RABL3: variants seen among roughly 807,000 people sequenced by gnomAD.
RABL3 encodes the protein RAB, member of RAS oncogene family like 3, also known as rab-like protein 3.
RABL3 carries 31 observed loss-of-function variants against 31.8 expected under a neutral mutation model. The ratio of observed to expected loss-of-function variants is 0.97; its 90% confidence interval spans 0.73 to 1.31. The LOEUF is 1.31. Among genes scored for constraint, RABL3 ranks in the 40% most tolerant of loss-of-function variants. RABL3 has a pLI of 0.00. For synonymous variants in RABL3, 97 were observed against 99.9 expected, an observed-to-expected ratio of 0.97 and a Z score of 0.18; for missense variants, 263 against 279.6, an observed-to-expected ratio of 0.94 and a Z score of 0.42.
chr3:120,711,761 T>G (rs556908204), intron 2 of RABL3, among the ~76,000 whole-genome samples: 9 of 152,314 alleles, frequency 5.9e-5, no homozygotes, highest in African/African-American at 2.2e-4. Flanking sequence ...TTAAGAAATA[T>G]ACATGCCAAT....
At chr3:120,691,391 T>G (rs1391294429) in intron 6 of RABL3, among the ~76,000 whole-genome samples, 2 of 152,156 alleles carry the variant, frequency 1.3e-5, no homozygotes, top group Non-Finnish European at 2.9e-5. Flanking sequence ...GAAAGCAACA[T>G]GCATTCAGTA....
intron 1 of RABL3, among the ~76,000 whole-genome samples, chr3:120,737,074 C>G (rs1708976307): frequency 6.6e-6 from 1 of 152,148 alleles, no homozygotes; most frequent in South Asian, 2.1e-4. Context: ...GTTGGCCTGC[C>G]TTGCTACGTT....
At chr3:120,726,961 A>T (rs1448356088) in intron 2 of RABL3, among the ~76,000 whole-genome samples, 1 of 152,078 alleles carries the variant, frequency 6.6e-6, no homozygotes, top group Non-Finnish European at 1.5e-5. Flanking sequence ...CAAAGAAAAA[A>T]TTGCAATGGA....
chr3:120,711,856 G>T (rs993645004), intron 2 of RABL3, among the ~76,000 whole-genome samples: 4 of 152,104 alleles, frequency 2.6e-5, no homozygotes, highest in Non-Finnish European at 5.9e-5. Context: ...TAATCCCCTC[G>T]TTAAGAACTG....
chr3:120,738,255 T>C (rs1708996941), intron 1 of RABL3, among the ~76,000 whole-genome samples: 1 of 152,234 alleles, frequency 6.6e-6, no homozygotes, highest in African/African-American at 2.4e-5. Flanking sequence ...CTCAGACTGC[T>C]GTGCTAGCAA....
At position 120,715,063 on chromosome 3, in the gene RABL3, T is replaced by A. The variant is rs188450377; in HGVS notation, c.139-5154A>T. The stretch of plus-strand genomic sequence containing the variant: ...CCATGTCCAGAACTGAACTTACTAT[T>A]GTTTCCTTCTTTTTCACCTATAATA... On this transcript the variant is annotated intron_variant, in intron 2 of 7. Transcript: ENST00000273375. Among the ~76,000 whole-genome samples the A allele has an allele frequency of 5.3e-4, 80 of 152,320 alleles. 1 individual carries two copies. The highest frequency in any genetic ancestry group is 3.7e-3 in the South Asian group (18 of 4,832).
intron 2 of RABL3, among the ~76,000 whole-genome samples, 193 bp from the exon 3 acceptor site, chr3:120,710,102 C>G (rs1254402216): frequency 6.6e-6 from 1 of 152,044 alleles, no homozygotes; most frequent in Non-Finnish European, 1.5e-5. Flanking sequence ...ATCTTAACAT[C>G]TTTCACAGCT....
intron 2 of RABL3, among the ~76,000 whole-genome samples, chr3:120,724,579 C>G (rs1708793440): frequency 6.6e-6 from 1 of 152,204 alleles, no homozygotes; most frequent in Non-Finnish European, 1.5e-5. Context: ...ACCAAAACAG[C>G]ATGGTACTGG....
chr3:120,685,212 A>G lies in RABL3; in HGVS notation c.*4611T>C, dbSNP rs1258610468. 6.6e-6 allele frequency among the ~76,000 whole-genome samples: 1 copy of G among 152,240 alleles called. No individual in the cohort carries two copies. Among genetic ancestry groups the G allele is most frequent in the Non-Finnish European group, 1.5e-5 (1 of 68,042 alleles). ...CAGGAATTGCTACAAGGTAATGTGA[A>G]GCAGGGTGTGACAGGTCTACAGAGT... On this transcript the variant is annotated 3_prime_UTR_variant, in exon 8 of 8. Coordinates refer to ENST00000273375, the MANE Select transcript of RABL3 (RefSeq NM_173825.5).
At chr3:120,703,761 T>C (rs994466991) in intron 4 of RABL3, among the ~76,000 whole-genome samples, 5 of 151,806 alleles carry the variant, frequency 3.3e-5, no homozygotes, top group Admixed American at 6.6e-5. Context: ...AAAAGGACAA[T>C]AAACAAATAC....
intron 2 of RABL3, 63 bp downstream of exon 2, chr3:120,730,633 A>G (rs1708870980): frequency 9.3e-7 from 1 of 1,073,944 alleles, no homozygotes; most frequent in Non-Finnish European, 1.4e-6. Flanking sequence ...TAATTTGATC[A>G]TGTAATTTGA....
intron 1 of RABL3, among the ~76,000 whole-genome samples, chr3:120,737,548 T>G (rs1312246491): frequency 6.6e-6 from 1 of 152,260 alleles, no homozygotes; most frequent in Non-Finnish European, 1.5e-5. Context: ...CCATCCAGCT[T>G]TGTTCCTTTG....
At chr3:120,709,980 TA>T in intron 2 of RABL3, 71 bp from the exon 3 acceptor site, 1 of 1,160,962 alleles carries the variant, frequency 8.6e-7, no homozygotes, top group Non-Finnish European at 1.2e-6. Context: ...TATTCCGGTT[TA>T]AAGCATTTCA....
intron 2 of RABL3, among the ~76,000 whole-genome samples, chr3:120,710,889 C>T (rs571197599): frequency 2.1e-4 from 32 of 152,228 alleles, no homozygotes; most frequent in Admixed American, 3.9e-4. Context: ...AGCGGTAATC[C>T]TTTTCTTCAC....
chr3:120,696,851 A>G (rs1708443156), intron 5 of RABL3, among the ~76,000 whole-genome samples: 1 of 152,156 alleles, frequency 6.6e-6, no homozygotes, highest in Admixed American at 6.5e-5. Flanking sequence ...TGGGGTATGC[A>G]CATCAAATAT....
intron 6 of RABL3, 49 bp from the exon 7 acceptor site, chr3:120,690,536 G>A (rs1336300365): frequency 1.5e-6 from 2 of 1,371,514 alleles, no homozygotes; most frequent in African/African-American, 2.9e-5. Context: ...CCTGCAAAAA[G>A]TGGCTAACTG....
intron 3 of RABL3, among the ~76,000 whole-genome samples, chr3:120,707,563 C>G (rs1708563244): frequency 6.6e-6 from 1 of 152,032 alleles, no homozygotes; most frequent in Non-Finnish European, 1.5e-5. Flanking sequence ...CATGGTAAGT[C>G]AGAATTTGCA....
intron 5 of RABL3, among the ~76,000 whole-genome samples, chr3:120,697,815 G>A (rs1708453462): frequency 6.6e-6 from 1 of 152,266 alleles, no homozygotes; most frequent in South Asian, 2.1e-4. Context: ...TATGCTTATA[G>A]TGCCACTTTA....
chr3:120,690,038 T>A (rs956931529), intron 7 of RABL3, 150 bp from the exon 8 acceptor site: 15 of 615,914 alleles, frequency 2.4e-5, no homozygotes, highest in African/African-American at 2.2e-4. Flanking sequence ...AAACCACAGA[T>A]TAAATAATAA....
Sources: allele counts gnomAD v4.1 joint callset (sites outside exome capture counted in the v4.1 genomes callset), GRCh38; gene constraint gnomAD v4.1.1; transcripts MANE v1.5; gene names NCBI Gene and HGNC (gene_info 2026-07-23, HGNC 2026-07-21).